The following TWSG1 variants were observed in gnomAD, a reference collection of about 807,000 sequenced individuals.
TWSG1 encodes twisted gastrulation protein homolog 1.
Under a neutral mutation model 23.0 loss-of-function variants are expected in TWSG1, and 15 were observed. The observed-to-expected ratio is 0.65, with a 90% CI of 0.44 to 1.00. TWSG1 has a LOEUF of 1.00. Among genes scored for constraint, TWSG1 ranks in the 50% least tolerant of loss-of-function variants. TWSG1 has a pLI of 0.00. For synonymous variants in TWSG1, 86 were observed against 92.8 expected, an observed-to-expected ratio of 0.93 and a Z score of 0.42; for missense variants, 242 against 278.7, an observed-to-expected ratio of 0.87 and a Z score of 0.94.
At chr18:9,380,208 T>C (rs1442334671) in intron 3 of TWSG1, among the ~76,000 whole-genome samples, 1 of 152,234 alleles carries the variant, frequency 6.6e-6, no homozygotes, top group Non-Finnish European at 1.5e-5. Context: ...GCACTCTCCA[T>C]GTATTACTTC....
chr18:9,353,525 A>T (rs2040511156), intron 2 of TWSG1, among the ~76,000 whole-genome samples: 1 of 152,256 alleles, frequency 6.6e-6, no homozygotes, highest in Non-Finnish European at 1.5e-5. Context: ...ATTTCAGTTT[A>T]CCATTTAGTG....
chr18:9,394,491 T>C (rs2040725916), intron 3 of TWSG1, among the ~76,000 whole-genome samples: 1 of 152,104 alleles, frequency 6.6e-6, no homozygotes, highest in African/African-American at 2.4e-5. Flanking sequence ...GAGGAATGAG[T>C]TCTCTAGTGT....
intron 2 of TWSG1, among the ~76,000 whole-genome samples, chr18:9,355,520 T>G (rs1424928123): frequency 6.6e-6 from 1 of 152,192 alleles, no homozygotes; most frequent in African/African-American, 2.4e-5. Flanking sequence ...ATAATGTGAT[T>G]TTTAAGGGCA....
intron 3 of TWSG1, among the ~76,000 whole-genome samples, chr18:9,369,546 A>G (rs1321438687): frequency 6.6e-6 from 1 of 152,174 alleles, no homozygotes; most frequent in Non-Finnish European, 1.5e-5. Context: ...GATTACAGGC[A>G]TGAGCCACCG....
At chr18:9,358,393 T>G (rs1460979671) in intron 2 of TWSG1, among the ~76,000 whole-genome samples, 1 of 152,190 alleles carries the variant, frequency 6.6e-6, no homozygotes, top group Non-Finnish European at 1.5e-5. Context: ...ATTGACCAGC[T>G]ACAGTCTGTT....
chr18:9,372,747 TA>T, intron 3 of TWSG1, among the ~76,000 whole-genome samples: 1 of 150,774 alleles, frequency 6.6e-6, no homozygotes, highest in East Asian at 1.9e-4. Flanking sequence ...GGACAACCAC[TA>T]AAAAAAGTAG....
At position 9,357,402 on chromosome 18, in the gene TWSG1, C is replaced by CA. The variant is rs528949085; in HGVS notation, c.124-2564dup. 1.7e-3 allele frequency among the ~76,000 whole-genome samples: 260 copies of CA among 152,016 alleles called. 1 individual carries two copies. The highest frequency in any genetic ancestry group is 6.1e-3 in the African/African-American group (254 of 41,498). ...TAATTAGCAAGGGGACTTTTGGAGA[C>CA]AAAAAACAATAACAAAACCCAAGGA... On this transcript the variant is annotated intron_variant, in intron 2 of 4. Transcript: ENST00000262120.
intron 3 of TWSG1, among the ~76,000 whole-genome samples, chr18:9,369,301 C>G (rs1000682276): frequency 2.0e-5 from 3 of 152,020 alleles, no homozygotes; most frequent in African/African-American, 7.2e-5. Context: ...CAGAGTCTTG[C>G]TCTGTCACCC....
chr18:9,377,287 C>T (rs1035328554), intron 3 of TWSG1, among the ~76,000 whole-genome samples: 44 of 151,790 alleles, frequency 2.9e-4, no homozygotes, highest in African/African-American at 9.9e-4. Flanking sequence ...GGTGCGACCT[C>T]GGCTCACTGC....
chr18:9,379,524 C>T (rs151205273), intron 3 of TWSG1, among the ~76,000 whole-genome samples: 1,612 of 151,730 alleles, frequency 0.011, 30 homozygotes, highest in African/African-American at 0.037. Flanking sequence ...GGGTGGAGGA[C>T]GGGAGGAGGG....
At chr18:9,370,071 GC>G (rs1197197742) in intron 3 of TWSG1, among the ~76,000 whole-genome samples, 2 of 152,120 alleles carry the variant, frequency 1.3e-5, no homozygotes, top group Admixed American at 6.6e-5. Context: ...TGTAATACCA[GC>G]ATTTTGGGAG....
At position 9,346,006 on chromosome 18, in the gene TWSG1, C is replaced by G. The variant is rs750566944; in HGVS notation, c.123+8654C>G. 6.2e-4 allele frequency among the ~76,000 whole-genome samples: 95 copies of G among 152,136 alleles called. 1 individual carries two copies. The highest frequency in any genetic ancestry group is 3.1e-4 in the Non-Finnish European group (21 of 68,012). ...ATGCTATTATTAACTAAAATCTATG[C>G]TTTGCATTAGCATTAACTCTTTGTG... On this transcript the variant is annotated intron_variant, in intron 2 of 4. Coordinates refer to ENST00000262120, the MANE Select transcript of TWSG1 (RefSeq NM_020648.6).
intron 3 of TWSG1, among the ~76,000 whole-genome samples, chr18:9,380,265 C>T (rs1195588460): frequency 6.6e-6 from 1 of 151,762 alleles, no homozygotes; most frequent in Non-Finnish European, 1.5e-5. Context: ...TGTTATTTTC[C>T]CTCATCTGTT....
Position 9,396,322 on chromosome 18 carries a change from C to T in TWSG1, c.266C>T (p.Ser89Leu). The change falls in exon 4 of 5, where the codon TCA becomes TTA. Residue 89 changes from serine (S) to leucine (L), a missense_variant. Ser to Leu is a moderately radical substitution (Grantham distance 145). Transcript: ENST00000262120. ...AATTATAGTGACACACCTCCAACTT[C>T]AAAGAGCACAGTGGAGGAGCTGCAT... Reference protein sequence around the residue: ...PRNYSDTPPTSKSTVEELHEP... With the variant: ...PRNYSDTPPTLKSTVEELHEP... The T allele has an allele frequency of 1.9e-6, 3 of 1,614,142 alleles. No individual in the cohort carries two copies. The highest frequency in any genetic ancestry group is 8.5e-7 in the Non-Finnish European group (1 of 1,180,002).
intron 1 of TWSG1, among the ~76,000 whole-genome samples, chr18:9,336,796 G>T (rs1471811075): frequency 6.6e-6 from 1 of 152,154 alleles, no homozygotes; most frequent in Admixed American, 6.5e-5. Flanking sequence ...ATAGTCTGAG[G>T]AACTGTAGAG....
At chr18:9,337,034 A>G (rs939724252) in intron 1 of TWSG1, among the ~76,000 whole-genome samples, 159 bp from the exon 2 acceptor site, 5 of 152,328 alleles carry the variant, frequency 3.3e-5, no homozygotes, top group Middle Eastern at 3.4e-3. Context: ...TGATCACACC[A>G]CTGTACTTCA....
intron 2 of TWSG1, among the ~76,000 whole-genome samples, chr18:9,341,651 TCA>T (rs1568030477): frequency 6.6e-6 from 1 of 152,190 alleles, no homozygotes; most frequent in Non-Finnish European, 1.5e-5. Flanking sequence ...CACACTTGTA[TCA>T]CAGTTTTGAG....
intron 4 of TWSG1, among the ~76,000 whole-genome samples, chr18:9,398,573 T>C (rs1218066223): frequency 6.6e-6 from 1 of 152,044 alleles, no homozygotes; most frequent in Non-Finnish European, 1.5e-5. Context: ...TTCTCCTGCC[T>C]CAGCCTCCCG....
intron 2 of TWSG1, among the ~76,000 whole-genome samples, chr18:9,354,876 A>G (rs2040517727): frequency 6.6e-6 from 1 of 152,110 alleles, no homozygotes; most frequent in Admixed American, 6.6e-5. Flanking sequence ...AATTTTGGTA[A>G]AACCTTTCTT....
Sources: gnomAD v4.1 joint callset for allele counts (sites outside exome capture counted in the v4.1 genomes callset) on GRCh38, gnomAD v4.1.1 for gene constraint, MANE v1.5 for transcripts, NCBI Gene and HGNC (gene_info 2026-07-23, HGNC 2026-07-21) for gene names.